XKR5: variants seen among roughly 807,000 people sequenced by gnomAD.
XKR5 encodes the protein XK-related protein 5.
In XKR5, 46 loss-of-function variants were observed where a neutral mutation model predicts 40.8. That is an observed-to-expected ratio of 1.13 (90% CI 0.89 to 1.44). XKR5 has a LOEUF of 1.44. Among genes scored for constraint, XKR5 ranks in the 40% most tolerant of loss-of-function variants. The pLI, the probability that XKR5 is intolerant of heterozygous loss-of-function variation, is 0.00. For missense variants in XKR5, 1,169 were observed against 844.7 expected (o/e 1.38, Z -4.76); for synonymous variants, 466 against 356.1 (o/e 1.31, Z -3.48).
chr8:6,810,936 A>G lies in XKR5; in HGVS notation c.*262T>C, dbSNP rs1023865956. On this transcript the variant is annotated 3_prime_UTR_variant, in exon 7 of 7. Transcript: ENST00000618742. ...ACCTACAGCTCATAAAAGGTAGCAG[A>G]CAATTTTGACTGGAATCTCTTTCTC... 1 of 330,170 alleles carries G rather than the reference A, an allele frequency of 3.0e-6. No individual in the cohort carries two copies. Among genetic ancestry groups the G allele is most frequent in the Admixed American group, 4.5e-5 (1 of 22,468 alleles). 20.5% of individuals were successfully genotyped at this position (330,170 alleles called of 1,614,324 possible).
intron 2 of XKR5, among the ~76,000 whole-genome samples, chr8:6,830,351 G>C (rs967795042): frequency 6.6e-6 from 1 of 152,186 alleles, no homozygotes; most frequent in African/African-American, 2.4e-5. Context: ...GCTTCACTCA[G>C]TGTTGTCTTT....
intron 5 of XKR5, among the ~76,000 whole-genome samples, chr8:6,819,620 G>GTGCA (rs1172860761): frequency 6.6e-6 from 1 of 152,220 alleles, no homozygotes; most frequent in East Asian, 1.9e-4. Flanking sequence ...TCTGGGCAGT[G>GTGCA]TGCATGGTGA....
chr8:6,829,890 T>C (rs1444928969), intron 2 of XKR5, among the ~76,000 whole-genome samples: 1 of 123,384 alleles, frequency 8.1e-6, no homozygotes, highest in Non-Finnish European at 1.6e-5. Context: ...CAAGCTGGAG[T>C]CCAGTGATGC....
chr8:6,817,039 C>G (rs913787136), intron 5 of XKR5, among the ~76,000 whole-genome samples: 1 of 152,196 alleles, frequency 6.6e-6, no homozygotes, highest in African/African-American at 2.4e-5. Flanking sequence ...CACTCCTCAG[C>G]TGTGTGGTTC....
chr8:6,824,245 G>A (rs1804363965), intron 3 of XKR5, among the ~76,000 whole-genome samples: 1 of 151,446 alleles, frequency 6.6e-6, no homozygotes, highest in Non-Finnish European at 1.5e-5. Context: ...TTTAATTTGT[G>A]CATATGCAAT....
rs896682853 is a variant in XKR5, at chr8:6,823,772, C to T, written c.428-42G>A. ...AAGATGTGGTATGCTCTGAAGATTC[C>T]GAAGTAACAGTACCTTGTGAAGATT... On this transcript the variant is annotated intron_variant, in intron 3 of 6. Transcript: ENST00000618742. 36 of 1,480,346 alleles carry T rather than the reference C, an allele frequency of 2.4e-5. No homozygotes were observed. In the East Asian group the frequency reaches 2.5e-4, roughly 10 times the overall value. The allele number at this position is 1,480,346 out of a possible 1,614,324, so 91.7% of individuals were successfully genotyped here. A position where few individuals can be genotyped will look rare whatever the true frequency, so the allele number is the denominator to read the frequency against.
intron 2 of XKR5, among the ~76,000 whole-genome samples, chr8:6,831,244 A>G (rs1156332064): frequency 6.6e-6 from 1 of 152,350 alleles, no homozygotes; most frequent in Non-Finnish European, 1.5e-5. Flanking sequence ...CTCTGACCCT[A>G]TGAGGCCCTC....
At chr8:6,834,023 A>G (rs1804886997) in intron 1 of XKR5, among the ~76,000 whole-genome samples, 1 of 152,146 alleles carries the variant, frequency 6.6e-6, no homozygotes, top group Non-Finnish European at 1.5e-5. Flanking sequence ...CGAAACCGTT[A>G]GTCCCTGTGG....
intron 1 of XKR5, among the ~76,000 whole-genome samples, chr8:6,835,184 AGG>A (rs576468146): frequency 1.2e-5 from 1 of 82,126 alleles, no homozygotes; most frequent in Non-Finnish European, 2.7e-5. Context: ...ACCAGTCGGG[AGG>A]GGGGGGAACC....
At position 6,832,851 on chromosome 8, in the gene XKR5, C is replaced by A. The variant is rs754594159; in HGVS notation, c.108G>T (p.Gly36=). 54 of 1,610,406 alleles carry A rather than the reference C, an allele frequency of 3.4e-5. No individual in the cohort carries two copies. The South Asian group carries it at 4.5e-4, about 14-fold the overall frequency. The part of the protein sequence containing the change: ...YYFTTGRLLW[G]WLALAVLLPG... ...GCAGGAGGACAGCAAGGGCCAGCCA[C>A]CCCCACAGAAGCCGTCCTGTGGTGA... is the stretch of plus-strand genomic sequence containing the variant. Residue 36 remains glycine (G), a synonymous_variant, in exon 2 of 7, where the codon GGG becomes GGT. Transcript: ENST00000618742.
chr8:6,828,189 A>G (rs1407373969), intron 2 of XKR5, among the ~76,000 whole-genome samples: 1 of 152,240 alleles, frequency 6.6e-6, no homozygotes, highest in Non-Finnish European at 1.5e-5. Context: ...AAGTATCAAC[A>G]TGAGTGGCTT....
intron 2 of XKR5, among the ~76,000 whole-genome samples, chr8:6,832,380 A>C (rs1804809298): frequency 6.6e-6 from 1 of 152,248 alleles, no homozygotes; most frequent in African/African-American, 2.4e-5. Context: ...ACAGGTGTGC[A>C]GATGGAACTG....
intron 3 of XKR5, among the ~76,000 whole-genome samples, chr8:6,824,560 T>C (rs1000667709): frequency 2.0e-5 from 3 of 152,186 alleles, no homozygotes; most frequent in African/African-American, 7.2e-5. Context: ...AGACAGGGTC[T>C]CACTCTGTCA....
chr8:6,811,527 C>T lies in XKR5; in HGVS notation c.1732G>A (p.Ala578Thr). The change falls in exon 7 of 7, where the codon GCC becomes ACC. Residue 578 changes from alanine to threonine, a missense_variant. Physicochemically the swap from Ala to Thr is moderately conservative, Grantham distance 58. Coordinates refer to ENST00000618742, the MANE Select transcript of XKR5 (RefSeq NM_207411.5). ...SGRRLGKSSP[A>T]QPASPHPVGL... The stretch of plus-strand genomic sequence containing the variant: ...ACTGGGTGGGGCGATGCAGGCTGGG[C>T]AGGGCTGCTCTTTCCCAGCCTCCTT... 6.5e-7 allele frequency: 1 copy of T among 1,532,578 alleles called. No homozygotes were observed. 94.9% of individuals were successfully genotyped at this position (1,532,578 alleles called of 1,614,324 possible). A position where few individuals can be genotyped will look rare whatever the true frequency, so the allele number is the denominator to read the frequency against.
Position 6,812,289 on chromosome 8 carries a change from C to G in XKR5, c.970G>C (p.Asp324His). 1.3e-6 allele frequency: 2 copies of G among 1,554,030 alleles called. No individual in the cohort carries two copies. The highest frequency in any genetic ancestry group is 1.2e-5 in the South Asian group (1 of 84,052). The part of the protein sequence containing the change: ...YYSLLHPKST[D>H]IWQGCLRKSC... The stretch of plus-strand genomic sequence containing the variant: ...TTCCTTAGGCAGCCCTGCCAGATGT[C>G]TGTGGATTTTGGATGCAGCAGGCTG... The change falls in exon 7 of 7, where the codon GAC (aspartate) becomes CAC (histidine). Residue 324 changes from aspartate (D) to histidine (H), a missense_variant. By Grantham distance (81) the Asp-to-His change is moderately conservative. Transcript: ENST00000618742.
At chr8:6,818,353 T>G (rs1046089126) in intron 5 of XKR5, among the ~76,000 whole-genome samples, 5 of 152,224 alleles carry the variant, frequency 3.3e-5, no homozygotes, top group African/African-American at 1.2e-4. Context: ...CTGCCTCTTG[T>G]GTCCTGTAGG....
chr8:6,813,460 G>A (rs1192401513), intron 6 of XKR5, among the ~76,000 whole-genome samples: 1 of 152,202 alleles, frequency 6.6e-6, no homozygotes, highest in Non-Finnish European at 1.5e-5. Flanking sequence ...TGTGGTTTGA[G>A]GGTTCTTGGT....
rs1459522514 is a variant in XKR5, at chr8:6,811,990, G to A, written c.1269C>T (p.Ala423=). 8 of 1,537,252 alleles carry A rather than the reference G, an allele frequency of 5.2e-6. No homozygotes were observed. The highest frequency in any genetic ancestry group is 7.0e-6 in the Non-Finnish European group (8 of 1,146,932). Residue 423 remains alanine, a synonymous_variant, in exon 7 of 7, where the codon GCC becomes GCT. Coordinates refer to ENST00000618742, the MANE Select transcript of XKR5 (RefSeq NM_207411.5). ...KTGNVSKINA[A]FGDNSPAYCP... ...AATAGGCAGGACTGTTATCTCCAAA[G>A]GCGGCATTGATCTTAGACACATTTC... is the stretch of plus-strand genomic sequence containing the variant.
intron 6 of XKR5, among the ~76,000 whole-genome samples, chr8:6,814,154 TCA>T (rs1803857605): frequency 6.6e-6 from 1 of 152,226 alleles, no homozygotes; most frequent in Admixed American, 6.5e-5. Context: ...CGCGATGTCC[TCA>T]GTTTCCCATA....
Sources: gnomAD v4.1 joint callset for allele counts (sites outside exome capture counted in the v4.1 genomes callset) on GRCh38, gnomAD v4.1.1 for gene constraint, MANE v1.5 for transcripts, NCBI Gene and HGNC (gene_info 2026-07-23, HGNC 2026-07-21) for gene names.